Variants in MEOX1 observed in about 807,000 individuals in gnomAD.
The protein encoded by MEOX1 is mesenchyme homeobox 1, also known as homeobox protein MOX-1.
A neutral mutation model predicts 23.2 loss-of-function variants in MEOX1; 17 were observed. The ratio of observed to expected loss-of-function variants is 0.73; its 90% CI spans 0.50 to 1.10. The LOEUF (loss-of-function observed/expected upper bound fraction) is 1.10, where lower values mean the gene tolerates loss of function less well. Ranked by LOEUF, MEOX1 falls within the 50% of genes least tolerant of loss-of-function variation. MEOX1 has a pLI of 0.00. For missense variants in MEOX1, 333 were observed against 332.2 expected (o/e 1.00, Z -0.02); for synonymous variants, 134 against 135.1 (o/e 0.99, Z 0.06).
At chr17:43,654,609 C>G (rs1270689637) in intron 1 of MEOX1, among the ~76,000 whole-genome samples, 2 of 151,986 alleles carry the variant, frequency 1.3e-5, no homozygotes, top group African/African-American at 4.8e-5. Context: ...TTGTTTGAGG[C>G]CAAGAGTTCA....
Position 43,641,957 on chromosome 17 carries a change from G to A in MEOX1, c.718C>T (p.Gln240Ter). 1 of 1,614,008 alleles carries A rather than the reference G, an allele frequency of 6.2e-7. No individual in the cohort carries two copies. The highest frequency in any genetic ancestry group is 8.5e-7 in the Non-Finnish European group (1 of 1,179,938). ...GTGGAGTCCCCATCCTCAGGGTCCT[G>A]CCCATTGGGGGAGATGGGCTGACCT... ...KGGQPISPNGQDPEDGDSTAS... is the reference protein window; with the variant it reads ...KGGQPISPNG Residue 240 changes from glutamine (Q) to a stop codon, truncating the protein, a stop_gained, in exon 3 of 3, where the codon CAG becomes TAG. Transcript: ENST00000318579. LOFTEE classifies it high-confidence loss of function.
Position 43,661,692 on chromosome 17 carries a change from A to C in MEOX1, c.-158T>G. ...GAACCAAAAAAAAAAAAAAACCCAA[A>C]ACTAAAGTCTCTCCTTAAAGTACAC... On this transcript the variant is annotated 5_prime_UTR_variant, in exon 1 of 3. Coordinates refer to ENST00000318579, the MANE Select transcript of MEOX1 (RefSeq NM_004527.4). The C allele has an allele frequency of 5.6e-6, 3 of 531,074 alleles. No individual in the cohort carries two copies. Among genetic ancestry groups the C allele is most frequent in the Non-Finnish European group, 9.7e-6 (3 of 309,358 alleles). The allele number at this position is 531,074 out of a possible 1,614,324, so 32.9% of individuals were successfully genotyped here. A position where few individuals can be genotyped will look rare whatever the true frequency, so the allele number is the denominator to read the frequency against.
chr17:43,652,825 C>CTTTTTTTTTTTT, intron 1 of MEOX1, among the ~76,000 whole-genome samples: 1 of 71,072 alleles, frequency 1.4e-5, no homozygotes, highest in Non-Finnish European at 2.6e-5. Context: ...TCTACTATTG[C>CTTTTTTTTTTTT]TTTTTTTTTT....
At chr17:43,642,130 C>A in intron 2 of MEOX1, 98 bp from the exon 3 acceptor site, 1 of 1,358,348 alleles carries the variant, frequency 7.4e-7, no homozygotes, top group South Asian at 1.4e-5. Flanking sequence ...TCCAGGGACC[C>A]CAGCTTGAAA....
intron 1 of MEOX1, among the ~76,000 whole-genome samples, chr17:43,654,538 T>C (rs1488531073): frequency 1.3e-5 from 2 of 151,644 alleles, no homozygotes; most frequent in African/African-American, 4.8e-5. Flanking sequence ...ATTAAAAATA[T>C]GGTCAGGTGT....
intron 1 of MEOX1, among the ~76,000 whole-genome samples, chr17:43,649,153 A>G (rs1238876010): frequency 6.6e-6 from 1 of 152,220 alleles, no homozygotes; most frequent in Non-Finnish European, 1.5e-5. Flanking sequence ...CTCTGTTCAC[A>G]AGAACCATCA....
chr17:43,661,559 C>A lies in MEOX1; in HGVS notation c.-25G>T. ...TCTGCTGTCCGCTGCACGCCTCGGT[C>A]CTTTCAAAGATTTGATTCTTTATAC... On this transcript the variant is annotated 5_prime_UTR_variant, in exon 1 of 3. Coordinates refer to ENST00000318579, the MANE Select transcript of MEOX1 (RefSeq NM_004527.4). 1 of 1,331,726 alleles carries A rather than the reference C, an allele frequency of 7.5e-7. No individual in the cohort carries two copies. Among genetic ancestry groups the A allele is most frequent in the South Asian group, 1.7e-5 (1 of 58,196 alleles). The allele number at this position is 1,331,726 out of a possible 1,614,324, so 82.5% of individuals were successfully genotyped here. A position where few individuals can be genotyped will look rare whatever the true frequency, so the allele number is the denominator to read the frequency against.
chr17:43,657,144 T>C (rs1317984481), intron 1 of MEOX1, among the ~76,000 whole-genome samples: 1 of 141,416 alleles, frequency 7.1e-6, no homozygotes, highest in Non-Finnish European at 1.5e-5. Context: ...CTTTCTTCCT[T>C]TCTCTCTCTC....
At chr17:43,651,952 G>A (rs1038443678) in intron 1 of MEOX1, among the ~76,000 whole-genome samples, 6 of 151,582 alleles carry the variant, frequency 4.0e-5, no homozygotes, top group East Asian at 1.9e-4. Context: ...CAGAGTTTCC[G>A]ACTATACCTG....
At chr17:43,651,296 G>A (rs1972911609) in intron 1 of MEOX1, among the ~76,000 whole-genome samples, 1 of 152,198 alleles carries the variant, frequency 6.6e-6, no homozygotes. Context: ...TCCAGCCTGG[G>A]CGACAGAGTG....
chr17:43,646,384 C>G (rs76958397), intron 1 of MEOX1, among the ~76,000 whole-genome samples: 3,587 of 152,302 alleles, frequency 0.024, 51 homozygotes, highest in Non-Finnish European at 0.038. Flanking sequence ...CCCACGGGCC[C>G]GGAGAGAGGC....
In MEOX1 at chr17:43,643,524, A is replaced by G. The variant is rs746492281; in HGVS notation, c.606T>C (p.Tyr202=). The G allele has an allele frequency of 1.3e-5, 21 of 1,605,380 alleles. 1 individual carries two copies. Among genetic ancestry groups the G allele is most frequent in the Middle Eastern group, 1.7e-4 (1 of 6,046 alleles). The change falls in exon 2 of 3, where the codon TAT becomes TAC. Residue 202 remains tyrosine, a synonymous_variant. Transcript: ENST00000318579. ...AGAGGTCCAGGTTTACCGCAATCTC[A>G]TATCTGCGGAGCCGAGTCAGGTAGT... ...HHNYLTRLRR[Y]EIAVNLDLSE... is the part of the protein sequence containing the mutation.
intron 1 of MEOX1, among the ~76,000 whole-genome samples, chr17:43,648,768 G>A (rs1385419033): frequency 2.0e-5 from 3 of 152,136 alleles, no homozygotes; most frequent in African/African-American, 7.2e-5. Context: ...TCAGCTCCTA[G>A]TTCCTCCCTT....
At chr17:43,650,241 A>T (rs895074286) in intron 1 of MEOX1, among the ~76,000 whole-genome samples, 4 of 152,132 alleles carry the variant, frequency 2.6e-5, no homozygotes, top group Non-Finnish European at 2.9e-5. Flanking sequence ...CTTAGAGATG[A>T]TCAATGTCAC....
At chr17:43,648,338 G>A (rs1178234331) in intron 1 of MEOX1, among the ~76,000 whole-genome samples, 3 of 151,988 alleles carry the variant, frequency 2.0e-5, no homozygotes, top group Admixed American at 6.6e-5. Flanking sequence ...GCGTGGTGGC[G>A]GGCGCCTGTA....
rs1322579285 is a variant in MEOX1 at position 43,657,154 on chromosome 17, CTT to C, written c.469+3910_469+3911del. Among the ~76,000 whole-genome samples, 20 of 65,870 alleles carry C rather than the reference CTT, an allele frequency of 3.0e-4. No individual in the cohort carries two copies. In the Admixed American group the frequency reaches 3.9e-3, roughly 13 times the overall value. The allele number at this position is 65,870 out of a possible 152,430, so 43.2% of individuals were successfully genotyped here. On this transcript the variant is annotated intron_variant, in intron 1 of 2. Coordinates refer to ENST00000318579, the MANE Select transcript of MEOX1 (RefSeq NM_004527.4). ...CCTTCCTTTCTTCCTTTCTCTCTCT[CTT>C]TCTTTCTTTCTTTCTTTTTTTTTTT...
At chr17:43,652,259 A>AC (rs1385925695) in intron 1 of MEOX1, among the ~76,000 whole-genome samples, 1 of 151,562 alleles carries the variant, frequency 6.6e-6, no homozygotes, top group African/African-American at 2.4e-5. Flanking sequence ...CTCAAACCAC[A>AC]CCCCACCCAG....
At chr17:43,660,529 C>A (rs766345362) in intron 1 of MEOX1, among the ~76,000 whole-genome samples, 9 of 152,212 alleles carry the variant, frequency 5.9e-5, no homozygotes, top group Non-Finnish European at 8.8e-5. Context: ...TTGATTCTCC[C>A]ATCCCAGCCG....
chr17:43,646,009 G>T (rs1031241642), intron 1 of MEOX1, among the ~76,000 whole-genome samples: 1 of 152,226 alleles, frequency 6.6e-6, no homozygotes, highest in African/African-American at 2.4e-5. Flanking sequence ...CCGGGAACTC[G>T]AGAAGGCGGG....
Sources: gnomAD v4.1 joint callset for allele counts (sites outside exome capture counted in the v4.1 genomes callset) on GRCh38, gnomAD v4.1.1 for gene constraint, MANE v1.5 for transcripts, NCBI Gene and HGNC (gene_info 2026-07-23, HGNC 2026-07-21) for gene names.